The following SPMIP5 variants were observed in gnomAD, a reference collection of about 807,000 sequenced individuals.
SPMIP5 encodes the protein sperm-associated microtubule inner protein 5.
At chr10:116,665,801 T>C in the SPMIP5 span, 1 of 1,612,628 alleles carries the variant, frequency 6.2e-7, no homozygotes, top group Non-Finnish European at 8.5e-7. Flanking sequence ...TGGACATTCC[T>C]TGGCAGCTGA....
chr10:116,665,547 G>T, the SPMIP5 span: 1 of 1,500,960 alleles, frequency 6.7e-7, no homozygotes, highest in East Asian at 2.3e-5. Flanking sequence ...AGCTCAGCTG[G>T]CCTATGAGAA....
At chr10:116,665,320 G>A in the SPMIP5 span, 28 of 373,146 alleles carry the variant, frequency 7.5e-5, no homozygotes, top group African/African-American at 4.7e-4. Flanking sequence ...CAGGAGAATC[G>A]CTTGAACCCA....
chr10:116,667,505 G>A, the SPMIP5 span, among the ~76,000 whole-genome samples: 26 of 152,154 alleles, frequency 1.7e-4, no homozygotes, highest in Non-Finnish European at 3.5e-4. Context: ...ACCTCAGCTT[G>A]TCAGAACCCA....
chr10:116,668,346 A>G, the SPMIP5 span: 2 of 1,567,670 alleles, frequency 1.3e-6, no homozygotes, highest in East Asian at 2.2e-5. Flanking sequence ...GGAAGAGGGA[A>G]TGAAACGGTC....
At chr10:116,663,054 C>T in the SPMIP5 span, among the ~76,000 whole-genome samples, 2 of 151,886 alleles carry the variant, frequency 1.3e-5, no homozygotes, top group Non-Finnish European at 2.9e-5. Flanking sequence ...TGGTGGTGGG[C>T]GCCTGTAGTC....
the SPMIP5 span, among the ~76,000 whole-genome samples, chr10:116,668,933 G>GTACACACACACACA: frequency 7.4e-6 from 1 of 135,380 alleles, no homozygotes; most frequent in South Asian, 2.6e-4. Context: ...GCACACACAT[G>GTACACACACACACA]CACACACACA....
chr10:116,668,263 T>C, the SPMIP5 span: 1 of 1,613,760 alleles, frequency 6.2e-7, no homozygotes, highest in Non-Finnish European at 8.5e-7. Context: ...CTTACCGCTA[T>C]AGCCTGGTGT....
At chr10:116,664,526 G>A in the SPMIP5 span, 8 of 915,616 alleles carry the variant, frequency 8.7e-6, no homozygotes, top group South Asian at 4.7e-5. Context: ...TCCCCTCCCT[G>A]CAAACCAGCA....
At chr10:116,666,995 A>G in the SPMIP5 span, among the ~76,000 whole-genome samples, 2 of 152,192 alleles carry the variant, frequency 1.3e-5, no homozygotes, top group Non-Finnish European at 2.9e-5. Flanking sequence ...TGCAAGTCCT[A>G]ACCCCTGGTA....
At chr10:116,667,456 A>C in the SPMIP5 span, among the ~76,000 whole-genome samples, 1 of 152,242 alleles carries the variant, frequency 6.6e-6, no homozygotes. Flanking sequence ...GAGGCAAGTT[A>C]CTTACAGTCT....
chr10:116,665,477 T>C, the SPMIP5 span: 1 of 662,298 alleles, frequency 1.5e-6, no homozygotes, highest in Non-Finnish European at 2.5e-6. Context: ...AATGGAGCCT[T>C]TGCATTTGGT....
the SPMIP5 span, chr10:116,665,668 C>T: frequency 9.9e-6 from 16 of 1,614,012 alleles, no homozygotes; most frequent in Middle Eastern, 1.6e-4. Flanking sequence ...ACCGTCTCCT[C>T]GGAGTTGACA....
chr10:116,663,535 C>T, the SPMIP5 span, among the ~76,000 whole-genome samples: 155 of 152,174 alleles, frequency 1.0e-3, 2 homozygotes, highest in South Asian at 0.028. Flanking sequence ...GTGTCTGCGC[C>T]GCTGTCAGGA....
the SPMIP5 span, chr10:116,664,170 T>C: frequency 1.2e-6 from 2 of 1,614,108 alleles, no homozygotes; most frequent in East Asian, 2.2e-5. Flanking sequence ...ACATTTCTCC[T>C]CACCTGGAAT....
At chr10:116,668,306 G>C in the SPMIP5 span, 2 of 1,613,306 alleles carry the variant, frequency 1.2e-6, no homozygotes, top group Admixed American at 1.7e-5. Flanking sequence ...GTCTTGGAAG[G>C]CTCCATGATT....
At chr10:116,665,866 G>A in the SPMIP5 span, 1 of 1,547,956 alleles carries the variant, frequency 6.5e-7, no homozygotes, top group Admixed American at 1.8e-5. Context: ...CAGCAAGACT[G>A]GCCAGCAAGG....
the SPMIP5 span, among the ~76,000 whole-genome samples, chr10:116,668,571 C>A: frequency 5.8e-5 from 7 of 120,052 alleles, no homozygotes; most frequent in Admixed American, 4.9e-4. Flanking sequence ...ATCACACCTA[C>A]CAGGGTCTCC....
chr10:116,664,901 G>A, the SPMIP5 span: 1 of 1,614,156 alleles, frequency 6.2e-7, no homozygotes, highest in Non-Finnish European at 8.5e-7. Flanking sequence ...AGCCTGCCCA[G>A]CCAGGGATCG....
chr10:116,664,880 T>C, the SPMIP5 span: 6 of 1,614,154 alleles, frequency 3.7e-6, no homozygotes, highest in South Asian at 4.4e-5. Context: ...TGACCTTGGC[T>C]CTCGGCAGGT....
Sources: allele counts gnomAD v4.1 joint callset (sites outside exome capture counted in the v4.1 genomes callset), GRCh38; gene constraint gnomAD v4.1.1; transcripts MANE v1.5; gene names NCBI Gene and HGNC (gene_info 2026-07-23, HGNC 2026-07-21).